ZFYVE28: variants seen among roughly 807,000 people sequenced by gnomAD.
ZFYVE28 encodes the protein lateral signaling target protein 2 homolog.
In ZFYVE28, 40 loss-of-function variants were observed where a neutral mutation model predicts 82.1. The observed-to-expected ratio is 0.49, with a 90% CI of 0.38 to 0.63. The LOEUF is 0.63. Ranked by LOEUF, ZFYVE28 falls within the 30% of genes least tolerant of loss-of-function variation. The pLI is 0.00. For missense variants in ZFYVE28, 1,321 were observed against 1,242.1 expected (o/e 1.06, Z -0.96); for synonymous variants, 612 against 546.1 (o/e 1.12, Z -1.68).
chr4:2,339,694 G>A lies in ZFYVE28; in HGVS notation c.319-39C>T, dbSNP rs950581406. ...CACACTCAGGGAGGGGCCCGGGTGA[G>A]GGCCAGGCTCTCAGGGGTCGCCGAC... is the stretch of plus-strand genomic sequence containing the variant. On this transcript the variant is annotated intron_variant, in intron 3 of 12. Coordinates refer to ENST00000290974, the MANE Select transcript of ZFYVE28 (RefSeq NM_020972.3). The surrounding 1 kb of genome is among the most constrained non-coding windows in gnomAD (Gnocchi z 5.0). 8 of 1,544,430 alleles carry A rather than the reference G, an allele frequency of 5.2e-6. No individual in the cohort carries two copies. Among genetic ancestry groups the A allele is most frequent in the Non-Finnish European group, 6.1e-6 (7 of 1,145,606 alleles).
rs778276843 is a variant in ZFYVE28 at position 2,274,169 on chromosome 4, G to A, written c.2099C>T (p.Ala700Val). The A allele has an allele frequency of 1.4e-5, 23 of 1,613,704 alleles. No homozygotes were observed. The highest frequency in any genetic ancestry group is 6.7e-5 in the East Asian group (3 of 44,890). ...SCSSDKMGPE[A>V]APAATHAAPQ... ...GGCAGCATGCGTGGCTGCTGGGGCC[G>A]CCTCTGGCCCCATCTTGTCTGAGGA... The change falls in exon 9 of 13, where the codon GCG (alanine) becomes GTG (valine). Residue 700 changes from alanine (A) to valine (V), a missense_variant. Physicochemically the swap from Ala to Val is moderately conservative, Grantham distance 64 (BLOSUM62 0). Transcript: ENST00000290974.
chr4:2,294,405 A>C (rs1714224639), intron 8 of ZFYVE28, among the ~76,000 whole-genome samples: 1 of 152,232 alleles, frequency 6.6e-6, no homozygotes, highest in South Asian at 2.1e-4. Flanking sequence ...GCAAAACAAA[A>C]ATTGATCCAT....
At chr4:2,381,682 T>C (rs1217674745) in intron 1 of ZFYVE28, among the ~76,000 whole-genome samples, 2 of 152,216 alleles carry the variant, frequency 1.3e-5, no homozygotes, top group African/African-American at 2.4e-5. Flanking sequence ...GCTGGGATTA[T>C]AGGCGTGAGC....
At chr4:2,281,905 C>T (rs1445385283) in intron 8 of ZFYVE28, among the ~76,000 whole-genome samples, 3 of 152,160 alleles carry the variant, frequency 2.0e-5, no homozygotes, top group African/African-American at 4.8e-5. Flanking sequence ...AATACAGAGC[C>T]GAGAAGTGAG....
chr4:2,335,605 G>T lies in ZFYVE28; in HGVS notation c.701+100C>A. 1 of 1,143,570 alleles carries T rather than the reference G, an allele frequency of 8.7e-7. No homozygotes were observed. The highest frequency in any genetic ancestry group is 1.3e-6 in the Non-Finnish European group (1 of 791,544). The allele number at this position is 1,143,570 out of a possible 1,614,324, so 70.8% of individuals were successfully genotyped here. A position where few individuals can be genotyped will look rare whatever the true frequency, so the allele number is the denominator to read the frequency against. On this transcript the variant is annotated intron_variant, in intron 6 of 12. Transcript: ENST00000290974. The surrounding 1 kb of genome is among the most constrained non-coding windows in gnomAD (Gnocchi z 5.8). ...GGGACAGCTGAGCGGCCACCGTGAG[G>T]TGGAGACGCCATGGACCGGCACCCG...
chr4:2,405,554 G>A (rs867944405), intron 1 of ZFYVE28, among the ~76,000 whole-genome samples: 7 of 152,240 alleles, frequency 4.6e-5, no homozygotes, highest in African/African-American at 1.7e-4. Context: ...ACCTTGAGCA[G>A]GCCCAGGCTC....
chr4:2,301,827 A>G (rs572603220), intron 8 of ZFYVE28, among the ~76,000 whole-genome samples: 3 of 152,360 alleles, frequency 2.0e-5, no homozygotes, highest in Admixed American at 2.0e-4. Flanking sequence ...TAGTGGGGAA[A>G]AGGTGCTCTG....
At chr4:2,354,285 G>A (rs760402304) in intron 1 of ZFYVE28, among the ~76,000 whole-genome samples, 18 of 152,052 alleles carry the variant, frequency 1.2e-4, no homozygotes, top group Non-Finnish European at 2.1e-4. Flanking sequence ...TGATTCAAGG[G>A]TCCCCAGGGC....
At chr4:2,278,764 A>C (rs987370409) in intron 8 of ZFYVE28, among the ~76,000 whole-genome samples, 18 of 151,560 alleles carry the variant, frequency 1.2e-4, no homozygotes, top group African/African-American at 2.9e-4. Flanking sequence ...AAAAAAAAAA[A>C]CACTACTGAA....
At chr4:2,314,768 G>A (rs191569304) in intron 7 of ZFYVE28, among the ~76,000 whole-genome samples, 22 of 152,166 alleles carry the variant, frequency 1.4e-4, no homozygotes, top group Admixed American at 1.4e-3. Flanking sequence ...CCCACATCAT[G>A]TTCTTCAGTC....
At chr4:2,296,251 G>T in intron 8 of ZFYVE28, among the ~76,000 whole-genome samples, 1 of 152,180 alleles carries the variant, frequency 6.6e-6, no homozygotes. Context: ...CACCACTCAG[G>T]GCCTTGCAGG....
Position 2,294,835 on chromosome 4 carries a change from C to T in ZFYVE28, c.2051+9454G>A, listed in dbSNP as rs375065565. Among the ~76,000 whole-genome samples, 35 of 152,198 alleles carry T rather than the reference C, an allele frequency of 2.3e-4. No individual in the cohort carries two copies. The South Asian group carries it at 6.0e-3, about 26-fold the overall frequency. ...ATAGCACATGAAGCGACGCTTGAGT[C>T]GATGAGGTGGTGTGCCTGTAGTTCC... On this transcript the variant is annotated intron_variant, in intron 8 of 12. Coordinates refer to ENST00000290974, the MANE Select transcript of ZFYVE28 (RefSeq NM_020972.3).
intron 1 of ZFYVE28, among the ~76,000 whole-genome samples, chr4:2,390,091 A>G (rs1256454167): frequency 6.6e-6 from 1 of 152,216 alleles, no homozygotes; most frequent in Non-Finnish European, 1.5e-5. Flanking sequence ...GAGATCCTGA[A>G]TTATCTGAGA....
chr4:2,404,572 C>T (rs1393789356), intron 1 of ZFYVE28, among the ~76,000 whole-genome samples: 1 of 152,152 alleles, frequency 6.6e-6, no homozygotes, highest in East Asian at 1.9e-4. Context: ...TGGAAGAAGC[C>T]AGACACAAAA....
chr4:2,391,278 G>C (rs1428017739), intron 1 of ZFYVE28, among the ~76,000 whole-genome samples: 1 of 152,034 alleles, frequency 6.6e-6, no homozygotes, highest in East Asian at 1.9e-4. Context: ...TTCATGTCCT[G>C]GTGGTCACAG....
chr4:2,321,454 G>T (rs902502687), intron 6 of ZFYVE28, among the ~76,000 whole-genome samples: 1 of 152,096 alleles, frequency 6.6e-6, no homozygotes, highest in South Asian at 2.1e-4. Context: ...CTGCCTCCGG[G>T]GCCCCTGTGG....
chr4:2,366,052 C>G (rs974074882), intron 1 of ZFYVE28, among the ~76,000 whole-genome samples: 1 of 151,306 alleles, frequency 6.6e-6, no homozygotes, highest in Non-Finnish European at 1.5e-5. Context: ...CAGCGCAGCT[C>G]CCCCAGCGCA....
At chr4:2,400,967 C>G (rs1731108253) in intron 1 of ZFYVE28, among the ~76,000 whole-genome samples, 1 of 152,212 alleles carries the variant, frequency 6.6e-6, no homozygotes, top group Non-Finnish European at 1.5e-5. Context: ...AAATTCTAGA[C>G]CAACAGGATT....
At chr4:2,364,452 CT>C (rs1222715127) in intron 1 of ZFYVE28, 1 of 985,376 alleles carries the variant, frequency 1.0e-6, no homozygotes, top group Admixed American at 6.1e-5. Flanking sequence ...AGGCTGGCAG[CT>C]TTACGTTCAA....
Sources: gnomAD v4.1 joint callset for allele counts (sites outside exome capture counted in the v4.1 genomes callset) on GRCh38, gnomAD v4.1.1 for gene constraint, Gnocchi (gnomAD v3.1) non-coding constraint, MANE v1.5 for transcripts, NCBI Gene and HGNC (gene_info 2026-07-23, HGNC 2026-07-21) for gene names.